The following FAM168A variants were observed in gnomAD, a reference collection of about 807,000 sequenced individuals.
FAM168A encodes the protein family with sequence similarity 168 member A, also known as protein FAM168A.
A neutral mutation model predicts 28.5 loss-of-function variants in FAM168A; 3 were observed. The observed-to-expected ratio is 0.11, with a 90% confidence interval of 0.05 to 0.27. The LOEUF (loss-of-function observed/expected upper bound fraction) is 0.27. Ranked by LOEUF, FAM168A falls within the 10% of genes least tolerant of loss-of-function variation. FAM168A has a pLI of 1.00. For missense variants in FAM168A, 222 were observed against 311.5 expected (o/e 0.71, Z 2.16); for synonymous variants, 122 against 124.2 (o/e 0.98, Z 0.12).
At chr11:73,415,986 G>A (rs1866687948) in intron 4 of FAM168A, among the ~76,000 whole-genome samples, 1 of 152,216 alleles carries the variant, frequency 6.6e-6, no homozygotes, top group Non-Finnish European at 1.5e-5. Context: ...TACACAGCTA[G>A]GCCCAAAGTT....
intron 1 of FAM168A, among the ~76,000 whole-genome samples, chr11:73,569,622 G>A (rs974503369): frequency 6.6e-6 from 1 of 152,138 alleles, no homozygotes; most frequent in Non-Finnish European, 1.5e-5. Context: ...AGGAGTTCGA[G>A]ACCAGCCTGG....
At chr11:73,479,071 C>A (rs1457374779) in intron 1 of FAM168A, among the ~76,000 whole-genome samples, 1 of 152,170 alleles carries the variant, frequency 6.6e-6, no homozygotes, top group East Asian at 1.9e-4. Flanking sequence ...TTAAAGGGAA[C>A]TCTGTTACCT....
At chr11:73,523,616 T>G (rs1318259878) in intron 1 of FAM168A, among the ~76,000 whole-genome samples, 2 of 152,074 alleles carry the variant, frequency 1.3e-5, no homozygotes, top group Non-Finnish European at 2.9e-5. Context: ...CTGGTTAATT[T>G]TTCTGTTTTT....
intron 2 of FAM168A, among the ~76,000 whole-genome samples, chr11:73,442,834 CTTTCT>C (rs1208622836): frequency 2.3e-5 from 3 of 131,590 alleles, no homozygotes; most frequent in African/African-American, 9.4e-5. Context: ...TTCTTTCTTT[CTTTCT>C]TTTTTTTTTT....
chr11:73,525,465 C>T (rs1943436786), intron 1 of FAM168A, among the ~76,000 whole-genome samples: 1 of 152,182 alleles, frequency 6.6e-6, no homozygotes, highest in Non-Finnish European at 1.5e-5. Flanking sequence ...GGAATGTCAC[C>T]TCTCAGCTGA....
intron 1 of FAM168A, among the ~76,000 whole-genome samples, chr11:73,496,873 T>TCTCACACACACACACACACA: frequency 7.1e-6 from 1 of 140,218 alleles, no homozygotes; most frequent in Middle Eastern, 3.6e-3. Context: ...TATGTTCTTA[T>TCTCACACACACACACACACA]CACACACACA....
chr11:73,444,651 T>A (rs1867267177), intron 2 of FAM168A, among the ~76,000 whole-genome samples: 1 of 152,256 alleles, frequency 6.6e-6, no homozygotes, highest in African/African-American at 2.4e-5. Context: ...GTCTATTATT[T>A]CTGCTTTATG....
intron 2 of FAM168A, among the ~76,000 whole-genome samples, chr11:73,456,313 A>AT (rs1867531053): frequency 6.6e-6 from 1 of 152,260 alleles, no homozygotes; most frequent in South Asian, 2.1e-4. Flanking sequence ...ATGAGTAAAG[A>AT]TTTTTCCCCC....
chr11:73,545,465 C>A (rs1358003748), intron 1 of FAM168A, among the ~76,000 whole-genome samples: 1 of 151,992 alleles, frequency 6.6e-6, no homozygotes, highest in East Asian at 1.9e-4. Flanking sequence ...AGGGTGATTG[C>A]TAAAGGGTAC....
intron 2 of FAM168A, among the ~76,000 whole-genome samples, chr11:73,456,426 T>C (rs1379999056): frequency 2.0e-5 from 3 of 152,228 alleles, no homozygotes; most frequent in Admixed American, 1.3e-4. Flanking sequence ...CTTGAGCTAA[T>C]TGTGAGAACC....
intron 1 of FAM168A, among the ~76,000 whole-genome samples, chr11:73,527,909 C>A (rs1390600602): frequency 6.6e-6 from 1 of 152,068 alleles, no homozygotes; most frequent in Non-Finnish European, 1.5e-5. Flanking sequence ...GTGTTCACAG[C>A]CAGGAAAACC....
intron 1 of FAM168A, among the ~76,000 whole-genome samples, chr11:73,563,546 G>A (rs1401574874): frequency 2.0e-5 from 3 of 151,974 alleles, no homozygotes; most frequent in African/African-American, 7.3e-5. Context: ...TTCTAAGGGG[G>A]TACACAATCA....
At chr11:73,572,769 A>AGGG (rs1944119825) in intron 1 of FAM168A, among the ~76,000 whole-genome samples, 1 of 151,262 alleles carries the variant, frequency 6.6e-6, no homozygotes, top group South Asian at 2.1e-4. Flanking sequence ...GCCTAGGAAA[A>AGGG]CCAGAGACCT....
intron 1 of FAM168A, among the ~76,000 whole-genome samples, chr11:73,558,705 T>C (rs759143077): frequency 2.6e-5 from 4 of 152,162 alleles, no homozygotes; most frequent in Non-Finnish European, 4.4e-5. Context: ...ACATCATTTA[T>C]TAATCATTAG....
intron 1 of FAM168A, among the ~76,000 whole-genome samples, chr11:73,589,650 T>C (rs771427145): frequency 4.6e-5 from 7 of 152,250 alleles, no homozygotes; most frequent in Non-Finnish European, 8.8e-5. Flanking sequence ...TCCTTTCGGC[T>C]GGGCACGGTG....
At chr11:73,564,865 GA>G (rs548781338) in intron 1 of FAM168A, among the ~76,000 whole-genome samples, 212 of 144,684 alleles carry the variant, frequency 1.5e-3, no homozygotes, top group Middle Eastern at 3.5e-3. Flanking sequence ...GAGTGTCCAG[GA>G]AAAAAAAAAA....
At chr11:73,432,959 T>C (rs1029834987) in intron 2 of FAM168A, among the ~76,000 whole-genome samples, 7 of 151,992 alleles carry the variant, frequency 4.6e-5, no homozygotes, top group African/African-American at 1.7e-4. Flanking sequence ...TTACCCAGGA[T>C]GGAGTATAAT....
intron 1 of FAM168A, among the ~76,000 whole-genome samples, chr11:73,582,522 G>T (rs578129545): frequency 1.3e-5 from 2 of 152,200 alleles, no homozygotes; most frequent in South Asian, 4.1e-4. Context: ...TTGCCTGCCA[G>T]AAACTACTAA....
At chr11:73,427,419 C>T (rs937289851) in intron 3 of FAM168A, among the ~76,000 whole-genome samples, 5 of 152,006 alleles carry the variant, frequency 3.3e-5, no homozygotes, top group African/African-American at 1.2e-4. Context: ...CTCTTTTTTT[C>T]CCCTACAGTT....
Sources: gnomAD v4.1 joint callset for allele counts (sites outside exome capture counted in the v4.1 genomes callset) on GRCh38, gnomAD v4.1.1 for gene constraint, MANE v1.5 for transcripts, NCBI Gene and HGNC (gene_info 2026-07-23, HGNC 2026-07-21) for gene names.